EFCAB13: variants seen among roughly 807,000 people sequenced by gnomAD.
EFCAB13 encodes the protein EF-hand calcium-binding domain-containing protein 13.
A neutral mutation model predicts 110.2 loss-of-function variants in EFCAB13; 91 were observed. The observed-to-expected ratio is 0.83, with a 90% CI of 0.70 to 0.98. The LOEUF (loss-of-function observed/expected upper bound fraction) is 0.98, where lower values mean the gene tolerates loss of function less well. Among genes scored for constraint, EFCAB13 ranks in the 50% least tolerant of loss-of-function variants. EFCAB13 has a pLI of 0.00. For missense variants in EFCAB13, 968 were observed against 1,119.4 expected (o/e 0.86, Z 1.93); for synonymous variants, 323 against 369.9 (o/e 0.87, Z 1.45).
rs1905309435 is a variant in EFCAB13 at position 47,440,905 on chromosome 17, T to G, written c.*191T>G. The G allele has an allele frequency of 2.2e-6, 1 of 458,420 alleles. No individual in the cohort carries two copies. Among genetic ancestry groups the G allele is most frequent in the Non-Finnish European group, 3.8e-6 (1 of 265,616 alleles). 28.4% of individuals were successfully genotyped at this position (458,420 alleles called of 1,614,324 possible). ...ATCACACTTTTTAAACATTCATGCT[T>G]TTTGAGGTATAATGTACATATGGCA... is the stretch of plus-strand genomic sequence containing the variant. On this transcript the variant is annotated 3_prime_UTR_variant, in exon 25 of 25. Transcript: ENST00000331493.
At chr17:47,337,176 G>A (rs901439760) in intron 5 of EFCAB13, among the ~76,000 whole-genome samples, 3 of 152,210 alleles carry the variant, frequency 2.0e-5, no homozygotes, top group Non-Finnish European at 2.9e-5. Flanking sequence ...TGGGAGGTTA[G>A]GAAGAAAAGG....
chr17:47,398,492 A>G (rs1234118296), intron 17 of EFCAB13, among the ~76,000 whole-genome samples: 2 of 151,438 alleles, frequency 1.3e-5, no homozygotes, highest in African/African-American at 4.8e-5. Flanking sequence ...TAGACATGGG[A>G]GACTTTTCAT....
At chr17:47,409,327 A>G (rs2065821563) in intron 20 of EFCAB13, 6 of 245,334 alleles carry the variant, frequency 2.4e-5, no homozygotes, top group Non-Finnish European at 3.2e-5. Context: ...TAGACTAATA[A>G]TTAAGGATTT....
Position 47,394,021 on chromosome 17 carries a change from G to T in EFCAB13, c.1727-4G>T. 1 of 1,525,340 alleles carries T rather than the reference G, an allele frequency of 6.6e-7. No individual in the cohort carries two copies. Among genetic ancestry groups the T allele is most frequent in the Non-Finnish European group, 8.8e-7 (1 of 1,137,604 alleles). The allele number at this position is 1,525,340 out of a possible 1,614,324, so 94.5% of individuals were successfully genotyped here. ...CCAAAAAAATGTGTTTCTTTTTCCT[G>T]TAGAAACAAAAAAAGTGAATTTTAA... On this transcript the variant is annotated splice_polypyrimidine_tract_variant and splice_region_variant and intron_variant, in intron 15 of 24. Coordinates refer to ENST00000331493, the MANE Select transcript of EFCAB13 (RefSeq NM_152347.5).
intron 15 of EFCAB13, among the ~76,000 whole-genome samples, chr17:47,392,030 A>G (rs562458527): frequency 1.3e-5 from 2 of 152,296 alleles, no homozygotes; most frequent in Non-Finnish European, 2.9e-5. Context: ...CAGCTCTTCT[A>G]AAGGAAAGGG....
chr17:47,326,476 A>C (rs2065286861), intron 3 of EFCAB13, 89 bp downstream of exon 3: 1 of 151,432 alleles, frequency 6.6e-6, no homozygotes, highest in African/African-American at 2.4e-5. Context: ...CCTTTCCTCT[A>C]CTCTTTCCTT....
chr17:47,394,914 CA>C (rs1357484363), intron 16 of EFCAB13, among the ~76,000 whole-genome samples: 1 of 152,086 alleles, frequency 6.6e-6, no homozygotes, highest in African/African-American at 2.4e-5. Context: ...TTTTATATCT[CA>C]TTGTTAATAT....
chr17:47,404,006 T>C lies in EFCAB13; in HGVS notation c.2146T>C (p.Ser716Pro), dbSNP rs1382338708. 6.3e-7 allele frequency: 1 copy of C among 1,592,412 alleles called. No individual in the cohort carries two copies. ...AGAAGAGGTAGAGAAAATTCTTCAA[T>C]CAGATTTTGTTTCTGGTAAGCATTT... Reference protein sequence around the residue: ...PKEEVEKILQSDFVSEDNMVN... With the variant: ...PKEEVEKILQPDFVSEDNMVN... The change falls in exon 19 of 25, where the codon TCA becomes CCA. Residue 716 changes from serine (S) to proline (P), a missense_variant. By Grantham distance (74) the Ser-to-Pro change is moderately conservative. Transcript: ENST00000331493.
chr17:47,399,556 A>G (rs1289989689), intron 17 of EFCAB13, among the ~76,000 whole-genome samples: 2 of 152,060 alleles, frequency 1.3e-5, no homozygotes, highest in Non-Finnish European at 2.9e-5. Context: ...TGAACTGCTG[A>G]AACAGCTCCA....
intron 20 of EFCAB13, among the ~76,000 whole-genome samples, chr17:47,406,666 C>T (rs550255456): frequency 6.6e-6 from 1 of 152,160 alleles, no homozygotes; most frequent in Non-Finnish European, 1.5e-5. Context: ...TTTGAAGTAG[C>T]TCATTCTATA....
At chr17:47,354,368 C>T (rs1718788817) in intron 9 of EFCAB13, among the ~76,000 whole-genome samples, 1 of 152,104 alleles carries the variant, frequency 6.6e-6, no homozygotes, top group Non-Finnish European at 1.5e-5. Context: ...GTAGAATGTT[C>T]TGTAAATTTC....
At position 47,344,410 on chromosome 17, in the gene EFCAB13, G is replaced by C. The variant is rs1737409573; in HGVS notation, c.434+118G>C. On this transcript the variant is annotated intron_variant, in intron 7 of 24. Coordinates refer to ENST00000331493, the MANE Select transcript of EFCAB13 (RefSeq NM_152347.5). ...TGAAGTAGTTTATGCTAATTATGCT[G>C]TTAGGATTGTGTAGAGATAAGAGCA... 5.5e-6 allele frequency: 7 copies of C among 1,269,830 alleles called. No individual in the cohort carries two copies. In the Admixed American group the frequency reaches 1.6e-4, roughly 29 times the overall value. 78.7% of individuals were successfully genotyped at this position (1,269,830 alleles called of 1,614,324 possible). A position where few individuals can be genotyped will look rare whatever the true frequency, so the allele number is the denominator to read the frequency against.
At chr17:47,381,202 G>T (rs978562856) in intron 14 of EFCAB13, among the ~76,000 whole-genome samples, 14 of 150,910 alleles carry the variant, frequency 9.3e-5, no homozygotes, top group East Asian at 1.9e-4. Flanking sequence ...TTTTTGATGG[G>T]TTTTTTTTTC....
At chr17:47,425,995 T>C (rs1283255639) in intron 23 of EFCAB13, among the ~76,000 whole-genome samples, 1 of 152,178 alleles carries the variant, frequency 6.6e-6, no homozygotes, top group African/African-American at 2.4e-5. Flanking sequence ...CTGCATGACC[T>C]TTATCATGAT....
chr17:47,345,102 A>G lies in EFCAB13; in HGVS notation c.517+4A>G, dbSNP rs544926769. ...TTACACTCAAAAGAATTAAGTGGTAATAAGAGGTTCTAAAATTTCTTGAAT... is the reference window on the plus strand; with the variant it reads ...TTACACTCAAAAGAATTAAGTGGTAGTAAGAGGTTCTAAAATTTCTTGAAT... On this transcript the variant is annotated splice_donor_region_variant and intron_variant, in intron 8 of 24. Coordinates refer to ENST00000331493, the MANE Select transcript of EFCAB13 (RefSeq NM_152347.5). 1.3e-6 allele frequency: 2 copies of G among 1,583,706 alleles called. No homozygotes were observed. The highest frequency in any genetic ancestry group is 2.3e-5 in the South Asian group (2 of 85,592).
chr17:47,422,154 TAAAA>T (rs529942742), intron 23 of EFCAB13, among the ~76,000 whole-genome samples: 13 of 152,088 alleles, frequency 8.5e-5, no homozygotes, highest in South Asian at 2.1e-4. Flanking sequence ...TTAACAAAAA[TAAAA>T]ATAATTCTTC....
chr17:47,429,721 C>T (rs1905070649), intron 23 of EFCAB13, 97 bp from the exon 24 acceptor site: 10 of 1,375,208 alleles, frequency 7.3e-6, no homozygotes, highest in Non-Finnish European at 9.7e-6. Flanking sequence ...AGAATCAGAT[C>T]TTCATATTTT....
rs777387004 is a variant in EFCAB13, at chr17:47,379,302, T to C, written c.1582+49T>C. 2.1e-6 allele frequency: 3 copies of C among 1,441,280 alleles called. No homozygotes were observed. In the East Asian group the frequency reaches 6.8e-5, roughly 33 times the overall value. 89.3% of individuals were successfully genotyped at this position (1,441,280 alleles called of 1,614,324 possible). A position where few individuals can be genotyped will look rare whatever the true frequency, so the allele number is the denominator to read the frequency against. ...ATGATTTAGAGGGAAGAGCAGTGTG[T>C]TGAGAAGAATTAGGTTCAACAGAAC... On this transcript the variant is annotated intron_variant, in intron 14 of 24. Coordinates refer to ENST00000331493, the MANE Select transcript of EFCAB13 (RefSeq NM_152347.5).
intron 10 of EFCAB13, among the ~76,000 whole-genome samples, chr17:47,362,031 T>C (rs530161366): frequency 1.3e-5 from 2 of 152,290 alleles, no homozygotes; most frequent in Admixed American, 1.3e-4. Flanking sequence ...CTATCATAAT[T>C]AGTGATTAAT....
Sources: allele counts gnomAD v4.1 joint callset (sites outside exome capture counted in the v4.1 genomes callset), GRCh38; gene constraint gnomAD v4.1.1; transcripts MANE v1.5; gene names NCBI Gene and HGNC (gene_info 2026-07-23, HGNC 2026-07-21).